The following EHD1 variants were observed in gnomAD, a reference collection of about 807,000 sequenced individuals.
EHD1 encodes the protein EH domain-containing protein 1.
EHD1 carries 19 observed loss-of-function variants against 39.0 expected under a neutral mutation model. The ratio of observed to expected loss-of-function variants is 0.49; its 90% CI spans 0.34 to 0.72. The LOEUF is 0.72. Among genes scored for constraint, EHD1 ranks in the 30% least tolerant of loss-of-function variants. The probability of loss-of-function intolerance (pLI) is 0.01; values close to 1 mark genes in which losing one functional copy is unlikely to be tolerated. For synonymous variants in EHD1, 323 were observed against 331.2 expected, an observed-to-expected ratio of 0.98 and a Z score of 0.27; for missense variants, 542 against 751.5, an observed-to-expected ratio of 0.72 and a Z score of 3.26.
At chr11:64,860,522 C>T (rs1205569638) in intron 2 of EHD1, among the ~76,000 whole-genome samples, 186 bp from the exon 3 acceptor site, 1 of 152,142 alleles carries the variant, frequency 6.6e-6, no homozygotes, top group Non-Finnish European at 1.5e-5. Flanking sequence ...ATCACGAGGT[C>T]ATGAGTTTGA....
upstream of EHD1, chr11:64,878,646 C>T: frequency 7.2e-7 from 1 of 1,396,104 alleles, no homozygotes; most frequent in Non-Finnish European, 9.2e-7. Context: ...GCGGAGCGGC[C>T]TTTATAGGGT....
intron 2 of EHD1, among the ~76,000 whole-genome samples, chr11:64,873,393 C>T (rs1047571973): frequency 2.6e-5 from 4 of 152,214 alleles, no homozygotes; most frequent in African/African-American, 9.7e-5. Context: ...GGGGCAAAGG[C>T]TGTTAAACAC....
chr11:64,866,922 A>T (rs750009619), intron 2 of EHD1, among the ~76,000 whole-genome samples: 1 of 152,108 alleles, frequency 6.6e-6, no homozygotes, highest in Non-Finnish European at 1.5e-5. Context: ...AGGAATATAG[A>T]ATGGGGAGTG....
At chr11:64,859,682 T>C (rs1943691367) in intron 3 of EHD1, 4 of 539,096 alleles carry the variant, frequency 7.4e-6, no homozygotes, top group Non-Finnish European at 6.4e-6. Flanking sequence ...TGAAAGTAGA[T>C]GGGGTATAAA....
intron 2 of EHD1, among the ~76,000 whole-genome samples, chr11:64,873,010 G>A (rs527881927): frequency 1.4e-4 from 22 of 152,200 alleles, no homozygotes; most frequent in Admixed American, 1.0e-3. Flanking sequence ...TTCACATTTG[G>A]AGCTGTAGAC....
Position 64,854,561 on chromosome 11 carries a change from G to A in EHD1, c.1377C>T (p.Asn459=), listed in dbSNP as rs202195664. 110 of 1,614,026 alleles carry A rather than the reference G, an allele frequency of 6.8e-5. No homozygotes were observed. The highest frequency in any genetic ancestry group is 4.5e-5 in the East Asian group (2 of 44,882). Residue 459 remains asparagine (N), a synonymous_variant, in exon 5 of 5, where the codon AAC becomes AAT. Transcript: ENST00000320631. Reference sequence around the variant, plus strand: ...TGGCGTTGGCGCCCGTGATCTTGCCGTTGACAGGGGACAGCGTGTAGAAGA... The same window carrying A: ...TGGCGTTGGCGCCCGTGATCTTGCCATTGACAGGGGACAGCGTGTAGAAGA... ...DEIFYTLSPV[N]GKITGANAKK... is the part of the protein sequence containing the mutation.
At chr11:64,878,998 C>T (rs1033720825), upstream of EHD1, 3 of 997,952 alleles carry the variant, frequency 3.0e-6, no homozygotes, top group African/African-American at 1.7e-5. Flanking sequence ...GTCAGGCACC[C>T]TGGTTCCCTG....
chr11:64,863,478 G>A (rs1943736313), intron 2 of EHD1, among the ~76,000 whole-genome samples: 1 of 152,220 alleles, frequency 6.6e-6, no homozygotes, highest in Non-Finnish European at 1.5e-5. Context: ...CCCCCTTGGT[G>A]GCATCCGCTG....
Position 64,854,321 on chromosome 11 carries a change from G to T in EHD1, c.*12C>A. ...CCGGGCGTGCAAATGGCAGGTGCGG[G>T]GCCGGGCGCCATCACTCATGTCTGC... On this transcript the variant is annotated 3_prime_UTR_variant, in exon 5 of 5. Coordinates refer to ENST00000320631, the MANE Select transcript of EHD1 (RefSeq NM_006795.4). 1 of 1,592,598 alleles carries T rather than the reference G, an allele frequency of 6.3e-7. No individual in the cohort carries two copies.
intron 2 of EHD1, among the ~76,000 whole-genome samples, chr11:64,869,015 T>C (rs1463678147): frequency 5.3e-5 from 8 of 152,218 alleles, no homozygotes; most frequent in Non-Finnish European, 1.2e-4. Flanking sequence ...CCTGGCACAC[T>C]GCGAGCAGGA....
intron 2 of EHD1, among the ~76,000 whole-genome samples, chr11:64,874,048 G>A (rs1249592128): frequency 4.6e-5 from 7 of 150,770 alleles, no homozygotes; most frequent in African/African-American, 1.5e-4. Flanking sequence ...GCTCACGCCT[G>A]TAATCCCAGC....
At chr11:64,860,424 A>C in intron 2 of EHD1, 88 bp from the exon 3 acceptor site, 23 of 1,469,446 alleles carry the variant, frequency 1.6e-5, no homozygotes, top group African/African-American at 2.8e-5. Context: ...GGTATTTCTC[A>C]GCCTGAGATA....
At position 64,868,624 on chromosome 11, in the gene EHD1, G is replaced by A. The variant is rs1193760813; in HGVS notation, c.502+5797C>T. ...AGGTGACATTCCGGAAAAGGCAAAA[G>A]TTAGAGACAAAGGTCAGTGGGCTGC... is the stretch of plus-strand genomic sequence containing the variant. On this transcript the variant is annotated intron_variant, in intron 2 of 4. Coordinates refer to ENST00000320631, the MANE Select transcript of EHD1 (RefSeq NM_006795.4). The surrounding 1 kb of genome is among the most constrained non-coding windows in gnomAD (Gnocchi z 4.2). Among the ~76,000 whole-genome samples the A allele has an allele frequency of 6.6e-6, 1 of 152,244 alleles. No individual in the cohort carries two copies. Among genetic ancestry groups the A allele is most frequent in the Non-Finnish European group, 1.5e-5 (1 of 68,046 alleles).
chr11:64,855,340 C>G lies in EHD1; in HGVS notation c.1062G>C (p.Pro354=), dbSNP rs144668933. ...REHQISPGDF[P]SLRKMQELLQ... ...GCCGTACCTGCATCTTGCGGAGGCT[C>G]GGGAAGTCCCCAGGGGAGATCTGGT... is the stretch of plus-strand genomic sequence containing the variant. Residue 354 remains proline, a synonymous_variant, in exon 4 of 5, where the codon CCG becomes CCC. Coordinates refer to ENST00000320631, the MANE Select transcript of EHD1 (RefSeq NM_006795.4). 2 of 1,613,990 alleles carry G rather than the reference C, an allele frequency of 1.2e-6. No homozygotes were observed. Among genetic ancestry groups the G allele is most frequent in the Non-Finnish European group, 1.7e-6 (2 of 1,179,994 alleles).
Position 64,878,342 on chromosome 11 carries a change from G to A in EHD1, c.123C>T (p.Arg41=), listed in dbSNP as rs1843658983. 3 of 1,614,116 alleles carry A rather than the reference G, an allele frequency of 1.9e-6. No homozygotes were observed. The highest frequency in any genetic ancestry group is 2.2e-5 in the South Asian group (2 of 91,092). The change falls in exon 1 of 5, where the codon CGC becomes CGT. Residue 41 remains arginine, a synonymous_variant. Coordinates refer to ENST00000320631, the MANE Select transcript of EHD1 (RefSeq NM_006795.4). ...QKLLPLEEHY[R]FHEFHSPALE... is the part of the protein sequence containing the mutation. ...GCGCGGGCGAGTGGAACTCGTGGAA[G>A]CGGTAGTGCTCCTCCAGGGGTAGCA... is the stretch of plus-strand genomic sequence containing the variant.
At chr11:64,855,166 A>G (rs1249289641) in intron 4 of EHD1, 156 bp downstream of exon 4, 5 of 1,221,904 alleles carry the variant, frequency 4.1e-6, no homozygotes, top group Non-Finnish European at 5.5e-6. Flanking sequence ...GCCTGGGTCA[A>G]CTCTGAGTTG....
chr11:64,858,510 G>A (rs182263153), intron 3 of EHD1, among the ~76,000 whole-genome samples: 41 of 152,232 alleles, frequency 2.7e-4, no homozygotes, highest in East Asian at 1.7e-3. Context: ...TGAAACAACC[G>A]AGCCCTGTGC....
intron 1 of EHD1, among the ~76,000 whole-genome samples, chr11:64,877,508 C>G (rs1307134458): frequency 6.6e-6 from 1 of 152,226 alleles, no homozygotes; most frequent in Non-Finnish European, 1.5e-5. Context: ...TGTCCCCTGC[C>G]TCCAAGGGGC....
intron 2 of EHD1, among the ~76,000 whole-genome samples, chr11:64,872,308 A>C (rs999044955): frequency 2.7e-4 from 41 of 152,280 alleles, no homozygotes; most frequent in African/African-American, 9.9e-4. Context: ...TAAAAATATA[A>C]AAATTAGCCA....
Sources: gnomAD v4.1 joint callset for allele counts (sites outside exome capture counted in the v4.1 genomes callset) on GRCh38, gnomAD v4.1.1 for gene constraint, Gnocchi (gnomAD v3.1) non-coding constraint, MANE v1.5 for transcripts, NCBI Gene and HGNC (gene_info 2026-07-23, HGNC 2026-07-21) for gene names.